SPDYA: variants seen among roughly 807,000 people sequenced by gnomAD.
SPDYA encodes speedy protein A.
In SPDYA, 11 loss-of-function variants were observed where a neutral mutation model predicts 36.7. The ratio of observed to expected loss-of-function variants is 0.30; its 90% CI spans 0.19 to 0.50. The LOEUF is 0.50. SPDYA is among the 20% of genes least tolerant of loss of function. The probability of loss-of-function intolerance (pLI) is 0.98; values close to 1 mark genes in which losing one functional copy is unlikely to be tolerated. For missense variants in SPDYA, 287 were observed against 370.9 expected, an observed-to-expected ratio of 0.77 and a Z score of 1.86; for synonymous variants, 115 against 118.7, an observed-to-expected ratio of 0.97 and a Z score of 0.20.
chr2:28,813,200 T>C (rs569277872), intron 1 of SPDYA, among the ~76,000 whole-genome samples: 1 of 152,232 alleles, frequency 6.6e-6, no homozygotes, highest in Non-Finnish European at 1.5e-5. Flanking sequence ...CATTCAGTTT[T>C]CTGAAATTGT....
At chr2:28,841,432 A>G (rs1003174860) in intron 7 of SPDYA, among the ~76,000 whole-genome samples, 16 of 152,130 alleles carry the variant, frequency 1.1e-4, no homozygotes, top group African/African-American at 3.9e-4. Flanking sequence ...TTTTCTAGAA[A>G]TGTCTAGAAA....
intron 5 of SPDYA, among the ~76,000 whole-genome samples, chr2:28,825,092 A>C (rs1234881923): frequency 6.6e-6 from 1 of 152,230 alleles, no homozygotes; most frequent in Non-Finnish European, 1.5e-5. Context: ...ACTTTCTAAG[A>C]ACAAACAAGT....
rs1388596266 is a variant in SPDYA, at chr2:28,811,143, G to A, written c.-93+196G>A. 6.6e-6 allele frequency: 1 copy of A among 152,364 alleles called. No homozygotes were observed. Among genetic ancestry groups the A allele is most frequent in the Non-Finnish European group, 1.5e-5 (1 of 68,146 alleles). 9.4% of individuals were successfully genotyped at this position (152,364 alleles called of 1,614,324 possible). A position where few individuals can be genotyped will look rare whatever the true frequency, so the allele number is the denominator to read the frequency against. On this transcript the variant is annotated intron_variant, in intron 1 of 7. Coordinates refer to ENST00000334056, the MANE Select transcript of SPDYA (RefSeq NM_182756.4). This position sits in a 1 kb window ranked among gnomAD's most constrained non-coding sequence, Gnocchi z 4.2. ...GGCGACGACACACGCGCTCCCCGCAGCGGGCTCTGGGCTGAGGGACCTGGC... is the reference window on the plus strand; with the variant it reads ...GGCGACGACACACGCGCTCCCCGCAACGGGCTCTGGGCTGAGGGACCTGGC...
At chr2:28,848,208 A>T (rs1668931855) in intron 7 of SPDYA, among the ~76,000 whole-genome samples, 1 of 152,226 alleles carries the variant, frequency 6.6e-6, no homozygotes, top group Admixed American at 6.5e-5. Flanking sequence ...TCTGCTCCTG[A>T]TTCAATCACT....
chr2:28,819,820 TAAA>T lies in SPDYA; in HGVS notation c.294+742_294+744del, dbSNP rs1174507151. On this transcript the variant is annotated intron_variant, in intron 4 of 7. Transcript: ENST00000334056. ...GGCAACATAGGGAGACCTGGTCTCT[TAAA>T]AAAAAAAAAAAAAAAAAAAAAAAAA... 8.2e-3 allele frequency among the ~76,000 whole-genome samples: 141 copies of T among 17,184 alleles called. 1 individual carries two copies. Among genetic ancestry groups the T allele is most frequent in the East Asian group, 0.043 (14 of 326 alleles). The allele number at this position is 17,184 out of a possible 152,430, so 11.3% of individuals were successfully genotyped here. A position where few individuals can be genotyped will look rare whatever the true frequency, so the allele number is the denominator to read the frequency against.
At chr2:28,814,172 A>G (rs1205018339) in intron 1 of SPDYA, among the ~76,000 whole-genome samples, 1 of 152,218 alleles carries the variant, frequency 6.6e-6, no homozygotes, top group Non-Finnish European at 1.5e-5. Flanking sequence ...ACTTGTGTCT[A>G]TTAAACACTT....
At chr2:28,848,444 A>T (rs1316250289) in intron 7 of SPDYA, among the ~76,000 whole-genome samples, 1 of 152,116 alleles carries the variant, frequency 6.6e-6, no homozygotes, top group East Asian at 1.9e-4. Context: ...CCTACTTAGC[A>T]TTCAGTTCTC....
intron 7 of SPDYA, among the ~76,000 whole-genome samples, chr2:28,849,569 T>C (rs1468927979): frequency 1.3e-5 from 2 of 152,228 alleles, no homozygotes; most frequent in Non-Finnish European, 2.9e-5. Flanking sequence ...TGAGCCACTG[T>C]GCCCAGCCCC....
intron 2 of SPDYA, among the ~76,000 whole-genome samples, chr2:28,815,067 A>G (rs1162788258): frequency 6.6e-6 from 1 of 152,178 alleles, no homozygotes; most frequent in South Asian, 2.1e-4. Context: ...GGATGGCTTA[A>G]GCTCAGCAGT....
intron 6 of SPDYA, 69 bp from the exon 7 acceptor site, chr2:28,840,103 A>C: frequency 7.2e-7 from 1 of 1,397,734 alleles, no homozygotes; most frequent in South Asian, 1.3e-5. Flanking sequence ...TTGAGTTATA[A>C]GTTTTGAACT....
intron 7 of SPDYA, among the ~76,000 whole-genome samples, chr2:28,842,472 C>A (rs1401626004): frequency 1.3e-5 from 2 of 152,066 alleles, no homozygotes; most frequent in African/African-American, 2.4e-5. Context: ...CTGTGCCAGT[C>A]AGTATACTTT....
intron 5 of SPDYA, among the ~76,000 whole-genome samples, chr2:28,823,382 G>A (rs1668219032): frequency 6.6e-6 from 1 of 151,976 alleles, no homozygotes; most frequent in Admixed American, 6.6e-5. Flanking sequence ...CAACACTTTG[G>A]GAGGCCGAGG....
intron 7 of SPDYA, among the ~76,000 whole-genome samples, chr2:28,845,541 TTTG>T (rs1388579588): frequency 6.6e-6 from 1 of 152,160 alleles, no homozygotes; most frequent in Non-Finnish European, 1.5e-5. Flanking sequence ...TTCATAATAT[TTTG>T]TTTCTTTCTT....
intron 6 of SPDYA, among the ~76,000 whole-genome samples, chr2:28,832,100 A>T (rs1668492813): frequency 6.6e-6 from 1 of 151,502 alleles, no homozygotes; most frequent in African/African-American, 2.4e-5. Context: ...TTATAACCAA[A>T]CTCCTTGAAG....
chr2:28,826,869 A>T (rs1668337247), intron 5 of SPDYA, among the ~76,000 whole-genome samples: 3 of 150,746 alleles, frequency 2.0e-5, no homozygotes, highest in South Asian at 4.2e-4. Flanking sequence ...CACCTGCCTC[A>T]GCCTTCTAAA....
Position 28,849,907 on chromosome 2 carries a change from A to T in SPDYA, c.908A>T (p.Lys303Ile), listed in dbSNP as rs1258930967. 1.3e-6 allele frequency: 2 copies of T among 1,595,634 alleles called. No homozygotes were observed. The highest frequency in any genetic ancestry group is 1.7e-6 in the Non-Finnish European group (2 of 1,174,950). The change falls in exon 8 of 8, where the codon AAA (lysine) becomes ATA (isoleucine). Residue 303 changes from lysine to isoleucine, a missense_variant. Coordinates refer to ENST00000334056, the MANE Select transcript of SPDYA (RefSeq NM_182756.4). ...AAAACTAATTTCTTGAAGAAAGACA[A>T]ATCTATGGAGTGGTTTACAGGAAGT... ...GKKTNFLKKD[K>I]SMEWFTGSEE is the part of the protein sequence containing the mutation.
intron 3 of SPDYA, among the ~76,000 whole-genome samples, chr2:28,818,559 A>T (rs1271862277): frequency 6.6e-6 from 1 of 152,122 alleles, no homozygotes; most frequent in Non-Finnish European, 1.5e-5. Context: ...AGCCCTTTAG[A>T]ATTGAAATAT....
At chr2:28,844,558 A>C (rs1668823964) in intron 7 of SPDYA, among the ~76,000 whole-genome samples, 1 of 152,136 alleles carries the variant, frequency 6.6e-6, no homozygotes, top group Non-Finnish European at 1.5e-5. Context: ...CCTGTAGCCT[A>C]ATGTAAGCGT....
chr2:28,816,985 G>GT (rs1667999579), intron 3 of SPDYA, among the ~76,000 whole-genome samples: 1 of 150,754 alleles, frequency 6.6e-6, no homozygotes, highest in African/African-American at 2.5e-5. Flanking sequence ...CTGGTAGATT[G>GT]TAGCTTGCTT....
Sources: allele counts gnomAD v4.1 joint callset (sites outside exome capture counted in the v4.1 genomes callset), GRCh38; gene constraint gnomAD v4.1.1; non-coding constraint Gnocchi (gnomAD v3.1); transcripts MANE v1.5; gene names NCBI Gene and HGNC (gene_info 2026-07-23, HGNC 2026-07-21).